Variants in ST6GALNAC3 observed in about 807,000 individuals in gnomAD.
ST6GALNAC3 encodes the protein alpha-N-acetylgalactosaminide alpha-2,6-sialyltransferase 3.
Under a neutral mutation model 32.7 loss-of-function variants are expected in ST6GALNAC3, and 25 were observed. That is an observed-to-expected ratio of 0.76 (90% CI 0.56 to 1.07). The LOEUF is 1.07. ST6GALNAC3 is among the 50% of genes least tolerant of loss of function. The pLI is 0.00. For synonymous variants in ST6GALNAC3, 129 were observed against 133.1 expected, an observed-to-expected ratio of 0.97 and a Z score of 0.21; for missense variants, 355 against 382.4, an observed-to-expected ratio of 0.93 and a Z score of 0.60.
intron 3 of ST6GALNAC3, among the ~76,000 whole-genome samples, chr1:76,605,694 G>A (rs1225019647): frequency 2.0e-5 from 3 of 151,448 alleles, no homozygotes; most frequent in East Asian, 3.9e-4. Flanking sequence ...GCGAAACCCC[G>A]TTACTACTAA....
chr1:76,122,612 G>A (rs1333940035), intron 1 of ST6GALNAC3, among the ~76,000 whole-genome samples: 1 of 152,176 alleles, frequency 6.6e-6, no homozygotes, highest in Non-Finnish European at 1.5e-5. Flanking sequence ...TTTCATGAGA[G>A]GTGGGATCGT....
At chr1:76,345,775 C>T (rs1220752299) in intron 2 of ST6GALNAC3, among the ~76,000 whole-genome samples, 1 of 152,056 alleles carries the variant, frequency 6.6e-6, no homozygotes, top group East Asian at 1.9e-4. Context: ...TCCTCAGCCC[C>T]AGCTCAGACA....
intron 3 of ST6GALNAC3, among the ~76,000 whole-genome samples, chr1:76,487,144 T>C (rs1011732293): frequency 3.3e-5 from 5 of 152,222 alleles, no homozygotes; most frequent in Admixed American, 6.5e-5. Flanking sequence ...CCTTTCTCTC[T>C]GGCTGCCCTT....
At chr1:76,119,403 A>G (rs1215322723) in intron 1 of ST6GALNAC3, among the ~76,000 whole-genome samples, 1 of 152,222 alleles carries the variant, frequency 6.6e-6, no homozygotes, top group Non-Finnish European at 1.5e-5. Flanking sequence ...ATTCTACTGG[A>G]CATTGGTCAG....
chr1:76,510,069 G>C (rs1661750315), intron 3 of ST6GALNAC3, among the ~76,000 whole-genome samples: 1 of 152,184 alleles, frequency 6.6e-6, no homozygotes, highest in Admixed American at 6.5e-5. Context: ...TCTGAGGGCT[G>C]AGACTGATCC....
intron 1 of ST6GALNAC3, among the ~76,000 whole-genome samples, chr1:76,227,271 T>G (rs779562011): frequency 1.6e-4 from 25 of 152,318 alleles, no homozygotes; most frequent in Non-Finnish European, 3.4e-4. Context: ...AGCATGGTGG[T>G]GGTGCTATGC....
At chr1:76,474,159 C>T (rs1052125578) in intron 3 of ST6GALNAC3, among the ~76,000 whole-genome samples, 1 of 152,100 alleles carries the variant, frequency 6.6e-6, no homozygotes, top group African/African-American at 2.4e-5. Flanking sequence ...CATAGAGCCT[C>T]CCCACAATGC....
At chr1:76,388,021 T>G (rs982881207) in intron 2 of ST6GALNAC3, among the ~76,000 whole-genome samples, 9 of 152,156 alleles carry the variant, frequency 5.9e-5, no homozygotes, top group African/African-American at 2.2e-4. Flanking sequence ...GCCTGTCTGA[T>G]GCCATAAGAG....
intron 1 of ST6GALNAC3, among the ~76,000 whole-genome samples, chr1:76,274,809 C>T (rs1168784117): frequency 6.6e-6 from 1 of 152,190 alleles, no homozygotes; most frequent in Non-Finnish European, 1.5e-5. Flanking sequence ...TTAACAGTTA[C>T]TGGTAAAACC....
chr1:76,195,580 C>A (rs1654156765), intron 1 of ST6GALNAC3, among the ~76,000 whole-genome samples: 1 of 152,208 alleles, frequency 6.6e-6, no homozygotes, highest in African/African-American at 2.4e-5. Flanking sequence ...CAGTTTGGAG[C>A]CACTGCCTTA....
At chr1:76,299,490 G>A (rs1391620201) in intron 1 of ST6GALNAC3, among the ~76,000 whole-genome samples, 1 of 151,906 alleles carries the variant, frequency 6.6e-6, no homozygotes, top group Admixed American at 6.6e-5. Context: ...AAGTATGGTG[G>A]GTAAAGCCTT....
At chr1:76,381,517 T>C (rs2101116335) in intron 2 of ST6GALNAC3, among the ~76,000 whole-genome samples, 1 of 152,220 alleles carries the variant, frequency 6.6e-6, no homozygotes, top group South Asian at 2.1e-4. Flanking sequence ...AGCACAGACC[T>C]TGTAGTCATG....
At chr1:76,099,765 T>C (rs556391087) in intron 1 of ST6GALNAC3, among the ~76,000 whole-genome samples, 1 of 152,168 alleles carries the variant, frequency 6.6e-6, no homozygotes, top group Non-Finnish European at 1.5e-5. Flanking sequence ...ATCCTAAAAA[T>C]GTATATATTT....
Position 76,273,091 on chromosome 1 carries a change from A to G in ST6GALNAC3, c.19-40714A>G, listed in dbSNP as rs140927442. Reference sequence around the variant, plus strand: ...AAAGACATGTATCTTGGTATATAGAATAATTTGATATATTTGATAAAGAAG... The same window carrying G: ...AAAGACATGTATCTTGGTATATAGAGTAATTTGATATATTTGATAAAGAAG... On this transcript the variant is annotated intron_variant, in intron 1 of 4. Coordinates refer to ENST00000328299, the MANE Select transcript of ST6GALNAC3 (RefSeq NM_152996.4). Among the ~76,000 whole-genome samples, 31 of 152,310 alleles carry G rather than the reference A, an allele frequency of 2.0e-4. No homozygotes were observed. The East Asian group carries it at 5.8e-3, about 28-fold the overall frequency.
chr1:76,590,396 C>G (rs1404855821), intron 3 of ST6GALNAC3, among the ~76,000 whole-genome samples: 1 of 152,128 alleles, frequency 6.6e-6, no homozygotes, highest in Non-Finnish European at 1.5e-5. Flanking sequence ...TATCAGATTA[C>G]TTTTTAAAAA....
intron 1 of ST6GALNAC3, among the ~76,000 whole-genome samples, chr1:76,275,955 G>A (rs1427370996): frequency 6.6e-6 from 1 of 152,116 alleles, no homozygotes; most frequent in Non-Finnish European, 1.5e-5. Flanking sequence ...TTGTGACTGT[G>A]ATATGACATT....
chr1:76,410,727 T>C (rs1002263855), intron 2 of ST6GALNAC3, among the ~76,000 whole-genome samples: 6 of 152,164 alleles, frequency 3.9e-5, no homozygotes, highest in African/African-American at 1.4e-4. Flanking sequence ...AGTTGTATGA[T>C]GACTAACTGG....
Position 76,314,607 on chromosome 1 carries a change from T to C in ST6GALNAC3, c.213+608T>C, listed in dbSNP as rs1037381283. ...TGGAGGTATATTGACAACTAGAAAG[T>C]GCACACTATGCTAGCGCTTTTGCAA... On this transcript the variant is annotated intron_variant, in intron 2 of 4. Coordinates refer to ENST00000328299, the MANE Select transcript of ST6GALNAC3 (RefSeq NM_152996.4). 3.9e-5 allele frequency among the ~76,000 whole-genome samples: 6 copies of C among 152,312 alleles called. No individual in the cohort carries two copies. The East Asian group carries it at 9.6e-4, about 24-fold the overall frequency.
rs776712921 is a variant in ST6GALNAC3, at chr1:76,576,974, A to G, written c.624-50478A>G. On this transcript the variant is annotated intron_variant, in intron 3 of 4. Transcript: ENST00000328299. ...ACAAACAAACAAACAAACAAAACTA[A>G]GCAAGACAAAACAAATACCCATGTC... The G allele has an allele frequency of 1.2e-5, 15 of 1,278,506 alleles. No homozygotes were observed. The Admixed American group carries it at 3.5e-4, about 30-fold the overall frequency. 79.2% of individuals were successfully genotyped at this position (1,278,506 alleles called of 1,614,324 possible).
Sources: allele counts gnomAD v4.1 joint callset (sites outside exome capture counted in the v4.1 genomes callset), GRCh38; gene constraint gnomAD v4.1.1; transcripts MANE v1.5; gene names NCBI Gene and HGNC (gene_info 2026-07-23, HGNC 2026-07-21).